The following PIP5K1B variants were observed in gnomAD, a reference collection of about 807,000 sequenced individuals.
PIP5K1B encodes the protein phosphatidylinositol 4-phosphate 5-kinase type-1 beta.
PIP5K1B carries 42 observed loss-of-function variants against 67.0 expected under a neutral mutation model. That is an observed-to-expected ratio of 0.63 (90% CI 0.49 to 0.81). PIP5K1B has a LOEUF of 0.81. PIP5K1B is among the 30% of genes least tolerant of loss of function. The pLI, the probability that PIP5K1B is intolerant of heterozygous loss-of-function variation, is 0.00. For synonymous variants in PIP5K1B, 214 were observed against 231.4 expected, an observed-to-expected ratio of 0.92 and a Z score of 0.68; for missense variants, 459 against 646.3, an observed-to-expected ratio of 0.71 and a Z score of 3.14.
intron 4 of PIP5K1B, among the ~76,000 whole-genome samples, chr9:68,830,320 C>G (rs1321510526): frequency 6.6e-6 from 1 of 152,144 alleles, no homozygotes; most frequent in Non-Finnish European, 1.5e-5. Context: ...CTTCTGTCTC[C>G]TTCCTCACTA....
chr9:68,787,214 A>G (rs1831675508), intron 2 of PIP5K1B, among the ~76,000 whole-genome samples: 1 of 152,196 alleles, frequency 6.6e-6, no homozygotes, highest in Non-Finnish European at 1.5e-5. Context: ...CATTTTAGGC[A>G]GCCACCATGG....
intron 15 of PIP5K1B, among the ~76,000 whole-genome samples, chr9:69,004,504 C>G (rs558182503): frequency 2.6e-5 from 4 of 152,312 alleles, no homozygotes; most frequent in Admixed American, 2.6e-4. Flanking sequence ...ACAACACTGA[C>G]AAGTCCCGTG....
At chr9:68,723,679 T>G in intron 1 of PIP5K1B, among the ~76,000 whole-genome samples, 1 of 149,638 alleles carries the variant, frequency 6.7e-6, no homozygotes, top group Non-Finnish European at 1.5e-5. Flanking sequence ...TGCCCATTTT[T>G]TAATTGAAGT....
At chr9:68,864,094 G>T in intron 5 of PIP5K1B, 127 bp downstream of exon 5, 1 of 790,764 alleles carries the variant, frequency 1.3e-6, no homozygotes, top group South Asian at 2.0e-5. Context: ...GCCTTTGGCA[G>T]GGCCAAAGGC....
chr9:68,913,926 T>G (rs983521266), intron 8 of PIP5K1B, among the ~76,000 whole-genome samples: 1 of 152,098 alleles, frequency 6.6e-6, no homozygotes, highest in African/African-American at 2.4e-5. Context: ...CTTTATCCAA[T>G]AGTTCAGTTT....
In PIP5K1B at chr9:68,818,515, C is replaced by CT. The variant is rs1833566285; in HGVS notation, c.-30dup. On this transcript the variant is annotated 5_prime_UTR_variant, in exon 3 of 16. The change abolishes the stop of an existing upstream ORF in the 5' untranslated region. Transcript: ENST00000265382. ...TGAGTAGGCCACCCATCACTACTAA[C>CT]TACAGATGACTTGCCATTTCATTTA... 1 of 152,616 alleles carries CT rather than the reference C, an allele frequency of 6.6e-6. No homozygotes were observed. The allele number at this position is 152,616 out of a possible 1,614,324, so 9.5% of individuals were successfully genotyped here.
chr9:68,913,252 A>G (rs370313851), intron 8 of PIP5K1B, among the ~76,000 whole-genome samples: 3 of 152,218 alleles, frequency 2.0e-5, no homozygotes, highest in Non-Finnish European at 4.4e-5. Flanking sequence ...CTAGACGGAA[A>G]GGCACCTGTA....
intron 5 of PIP5K1B, among the ~76,000 whole-genome samples, chr9:68,875,310 A>C (rs1467790545): frequency 6.7e-6 from 1 of 150,298 alleles, no homozygotes; most frequent in Non-Finnish European, 1.5e-5. Flanking sequence ...AAAAAAAAAA[A>C]AAAAAAAAAA....
intron 2 of PIP5K1B, among the ~76,000 whole-genome samples, chr9:68,759,412 T>C (rs1365115760): frequency 6.6e-6 from 1 of 152,080 alleles, no homozygotes; most frequent in Non-Finnish European, 1.5e-5. Flanking sequence ...AGCATGTGTA[T>C]TGTGATCTCT....
intron 1 of PIP5K1B, among the ~76,000 whole-genome samples, chr9:68,717,578 A>G (rs1827694692): frequency 6.6e-6 from 1 of 152,192 alleles, no homozygotes; most frequent in Admixed American, 6.5e-5. Context: ...ACAGATGGCA[A>G]ACTTCTTCTA....
chr9:68,805,275 G>A (rs1049359709), intron 2 of PIP5K1B, among the ~76,000 whole-genome samples: 12 of 152,122 alleles, frequency 7.9e-5, no homozygotes, highest in African/African-American at 2.2e-4. Context: ...GTGGAGGAGC[G>A]GCCAGAGATG....
At chr9:68,743,286 CT>C (rs1829108725) in intron 2 of PIP5K1B, among the ~76,000 whole-genome samples, 1 of 152,062 alleles carries the variant, frequency 6.6e-6, no homozygotes, top group African/African-American at 2.4e-5. Context: ...TCACTTCAGC[CT>C]TGACCTTCCA....
At chr9:68,989,743 G>T (rs985783504) in intron 14 of PIP5K1B, among the ~76,000 whole-genome samples, 4 of 152,126 alleles carry the variant, frequency 2.6e-5, no homozygotes, top group African/African-American at 9.7e-5. Context: ...ACTTTGGGAG[G>T]CCGTGGTGGG....
intron 7 of PIP5K1B, among the ~76,000 whole-genome samples, chr9:68,889,712 G>C (rs371255446): frequency 3.4e-5 from 5 of 147,760 alleles, no homozygotes; most frequent in African/African-American, 1.3e-4. Flanking sequence ...TCCAGCCTGG[G>C]CGACAGAGCG....
intron 2 of PIP5K1B, among the ~76,000 whole-genome samples, chr9:68,773,334 G>A (rs989997757): frequency 1.3e-5 from 2 of 152,168 alleles, no homozygotes; most frequent in South Asian, 2.1e-4. Flanking sequence ...TGTATTCTTC[G>A]ATTATGGCCT....
intron 2 of PIP5K1B, among the ~76,000 whole-genome samples, chr9:68,790,415 T>G (rs1831894102): frequency 6.6e-6 from 1 of 152,250 alleles, no homozygotes; most frequent in Non-Finnish European, 1.5e-5. Context: ...AAACCACAGT[T>G]GGTTCCAAAG....
At chr9:68,730,674 T>A (rs1828380350) in intron 1 of PIP5K1B, among the ~76,000 whole-genome samples, 1 of 152,180 alleles carries the variant, frequency 6.6e-6, no homozygotes, top group Admixed American at 6.5e-5. Context: ...CAGAAGTCAC[T>A]GTAGTGGACT....
intron 14 of PIP5K1B, among the ~76,000 whole-genome samples, chr9:68,972,358 G>T (rs1479520707): frequency 6.6e-6 from 1 of 152,104 alleles, no homozygotes; most frequent in African/African-American, 2.4e-5. Flanking sequence ...ATCTGTTTTT[G>T]TACCAGTACC....
rs145470846 is a variant in PIP5K1B at position 68,953,973 on chromosome 9, G to A, written c.1502+13183G>A. On this transcript the variant is annotated intron_variant, in intron 14 of 15. Coordinates refer to ENST00000265382, the MANE Select transcript of PIP5K1B (RefSeq NM_003558.4). ...TGTCAGCCTTCTGGGACATCTGGCAGGAACAGGTGTCTTAGCATCTAGTAT... is the reference window on the plus strand; with the variant it reads ...TGTCAGCCTTCTGGGACATCTGGCAAGAACAGGTGTCTTAGCATCTAGTAT... 1.3e-3 allele frequency among the ~76,000 whole-genome samples: 203 copies of A among 152,050 alleles called. 1 individual carries two copies. Among genetic ancestry groups the A allele is most frequent in the African/African-American group, 4.7e-3 (193 of 41,446 alleles).
Sources: gnomAD v4.1 joint callset for allele counts (sites outside exome capture counted in the v4.1 genomes callset) on GRCh38, gnomAD v4.1.1 for gene constraint, MANE v1.5 for transcripts, NCBI Gene and HGNC (gene_info 2026-07-23, HGNC 2026-07-21) for gene names.